TPO: variants seen among roughly 807,000 people sequenced by gnomAD.
The protein encoded by TPO is thyroid microsomal antigen.
In TPO, 78 loss-of-function variants were observed where a neutral mutation model predicts 96.9. The observed-to-expected ratio is 0.81, with a 90% confidence interval of 0.67 to 0.97. The LOEUF is 0.97. TPO is among the 50% of genes least tolerant of loss of function. The pLI, the probability that TPO is intolerant of heterozygous loss-of-function variation, is 0.00. For synonymous variants in TPO, 547 were observed against 538.0 expected, an observed-to-expected ratio of 1.02 and a Z score of -0.23; for missense variants, 1,252 against 1,274.8, an observed-to-expected ratio of 0.98 and a Z score of 0.27.
At chr2:1,444,071 C>T (rs1431861356) in intron 5 of TPO, among the ~76,000 whole-genome samples, 1 of 142,232 alleles carries the variant, frequency 7.0e-6, no homozygotes, top group African/African-American at 2.7e-5. Context: ...CCAGTCATTG[C>T]TGCGGGAGGC....
chr2:1,429,227 T>C (rs1558273936), intron 3 of TPO, among the ~76,000 whole-genome samples: 4 of 152,134 alleles, frequency 2.6e-5, no homozygotes, highest in Non-Finnish European at 5.9e-5. Context: ...CTCCTGCTCC[T>C]GCTCTTACTC....
intron 15 of TPO, among the ~76,000 whole-genome samples, chr2:1,537,812 CCCCCCACTGTGAGCAACCTCCTCAAAT>C: frequency 1.0e-5 from 1 of 95,326 alleles, no homozygotes; most frequent in African/African-American, 4.0e-5. Context: ...GTCCCCAAAT[CCCCCCACTGTGAGCAACCTCCTCAAAT>C]CCCCCCACTG....
intron 13 of TPO, among the ~76,000 whole-genome samples, chr2:1,501,109 A>G (rs375182690): frequency 2.0e-5 from 3 of 152,022 alleles, no homozygotes; most frequent in Non-Finnish European, 4.4e-5. Context: ...TATGCAGTAA[A>G]CGAATATACA....
At chr2:1,432,256 C>T (rs1293493934) in intron 3 of TPO, among the ~76,000 whole-genome samples, 3 of 152,250 alleles carry the variant, frequency 2.0e-5, no homozygotes, top group African/African-American at 4.8e-5. Flanking sequence ...CCTGGGGACT[C>T]AGTAATTCCA....
intron 7 of TPO, among the ~76,000 whole-genome samples, chr2:1,466,611 G>A (rs1668920186): frequency 6.6e-6 from 1 of 152,092 alleles, no homozygotes; most frequent in African/African-American, 2.4e-5. Flanking sequence ...ACTTAAGCTA[G>A]GAGGGTTATA....
chr2:1,436,532 C>T, intron 5 of TPO, 148 bp downstream of exon 5: 1 of 1,205,222 alleles, frequency 8.3e-7, no homozygotes, highest in Non-Finnish European at 1.2e-6. Flanking sequence ...CCGACATGGC[C>T]TCCTGCATGC....
intron 15 of TPO, among the ~76,000 whole-genome samples, chr2:1,535,738 C>T (rs1363353277): frequency 1.0e-4 from 10 of 97,378 alleles, no homozygotes; most frequent in East Asian, 4.1e-4. Flanking sequence ...TGTGCAACCT[C>T]CCCAAATCCC....
chr2:1,479,667 C>T (rs1670347268), intron 8 of TPO, among the ~76,000 whole-genome samples: 1 of 152,186 alleles, frequency 6.6e-6, no homozygotes, highest in Non-Finnish European at 1.5e-5. Flanking sequence ...CAGTTTAATT[C>T]CAAGTTACTG....
intron 8 of TPO, among the ~76,000 whole-genome samples, chr2:1,482,704 C>T (rs557089792): frequency 2.0e-4 from 30 of 152,308 alleles, no homozygotes; most frequent in African/African-American, 7.2e-4. Context: ...GAGAAAGCAT[C>T]TCCTCTATCA....
At chr2:1,412,901 CTT>C (rs1049589882), upstream of TPO, among the ~76,000 whole-genome samples, 5 of 152,070 alleles carry the variant, frequency 3.3e-5, no homozygotes, top group Admixed American at 6.5e-5. Flanking sequence ...TGTGGGGACT[CTT>C]TTGATGGGTG....
intron 7 of TPO, among the ~76,000 whole-genome samples, chr2:1,468,224 T>C (rs1489371362): frequency 1.3e-5 from 2 of 152,114 alleles, no homozygotes; most frequent in Non-Finnish European, 2.9e-5. Context: ...CCATTCATTG[T>C]GCTATTTGTT....
chr2:1,503,624 G>A (rs1472684327), intron 13 of TPO, among the ~76,000 whole-genome samples: 2 of 152,240 alleles, frequency 1.3e-5, no homozygotes, highest in East Asian at 1.9e-4. Flanking sequence ...TCCTGCCCCC[G>A]TGTCCTGCAC....
intron 14 of TPO, among the ~76,000 whole-genome samples, chr2:1,504,327 A>T (rs971247923): frequency 2.6e-5 from 4 of 152,132 alleles, no homozygotes; most frequent in Non-Finnish European, 5.9e-5. Context: ...GCCAGAATGC[A>T]TTGCCAGACA....
At chr2:1,443,587 A>G (rs1458121423) in intron 5 of TPO, among the ~76,000 whole-genome samples, 2 of 138,222 alleles carry the variant, frequency 1.4e-5, no homozygotes, top group African/African-American at 5.7e-5. Context: ...TCTTGTTTGT[A>G]TGATCCAGTC....
At chr2:1,422,942 G>C in intron 2 of TPO, 103 bp from the exon 3 acceptor site, 1 of 1,291,708 alleles carries the variant, frequency 7.7e-7, no homozygotes, top group Non-Finnish European at 1.1e-6. Flanking sequence ...CGGAAGCCAC[G>C]TGGGCATCAC....
chr2:1,399,733 C>T (rs930780763), intron 1 of TPO, among the ~76,000 whole-genome samples: 1 of 152,186 alleles, frequency 6.6e-6, no homozygotes, highest in East Asian at 1.9e-4. Flanking sequence ...GCTCCTGCCT[C>T]CTCCCCATGT....
intron 7 of TPO, among the ~76,000 whole-genome samples, chr2:1,475,748 G>A (rs1284003704): frequency 1.3e-5 from 2 of 152,198 alleles, no homozygotes; most frequent in Non-Finnish European, 2.9e-5. Context: ...CCCCGCGCCC[G>A]GCCGGAAGCG....
rs116390200 is a variant in TPO at position 1,423,031 on chromosome 2, A to T, written c.95-14A>T. On this transcript the variant is annotated splice_polypyrimidine_tract_variant and intron_variant, in intron 2 of 16. Transcript: ENST00000329066. ...TGTCATTGCGCTTTGACTGTGTGAC[A>T]TTCTGTTCCGTAGGAAAGCCTGAGG... 6.2e-7 allele frequency: 1 copy of T among 1,613,844 alleles called. No homozygotes were observed. The highest frequency in any genetic ancestry group is 1.1e-5 in the South Asian group (1 of 91,072).
intron 8 of TPO, 176 bp downstream of exon 8, chr2:1,477,780 G>A (rs1234168888): frequency 4.1e-6 from 4 of 985,352 alleles, no homozygotes; most frequent in East Asian, 2.3e-4. Flanking sequence ...CCTGCTGGGC[G>A]CCCTGCATGG....
Sources: gnomAD v4.1 joint callset for allele counts (sites outside exome capture counted in the v4.1 genomes callset) on GRCh38, gnomAD v4.1.1 for gene constraint, MANE v1.5 for transcripts, NCBI Gene and HGNC (gene_info 2026-07-23, HGNC 2026-07-21) for gene names.